Variants in RUFY2 observed in about 807,000 individuals in gnomAD.
RUFY2 encodes RUN and FYVE domain-containing protein 2.
A neutral mutation model predicts 94.4 loss-of-function variants in RUFY2; 49 were observed. The ratio of observed to expected loss-of-function variants is 0.52; its 90% CI spans 0.41 to 0.66. The LOEUF is 0.66. Ranked by LOEUF, RUFY2 falls within the 30% of genes least tolerant of loss-of-function variation. RUFY2 has a pLI of 0.00. For missense variants in RUFY2, 541 were observed against 692.8 expected (o/e 0.78, Z 2.46); for synonymous variants, 255 against 235.7 (o/e 1.08, Z -0.75).
intron 15 of RUFY2, among the ~76,000 whole-genome samples, chr10:68,362,339 T>C (rs1032102934): frequency 1.3e-5 from 2 of 151,220 alleles, no homozygotes; most frequent in Non-Finnish European, 3.0e-5. Flanking sequence ...TCAAAACAAA[T>C]AAAAATAAAC....
At chr10:68,358,293 G>T (rs1264100383) in intron 15 of RUFY2, among the ~76,000 whole-genome samples, 1 of 152,162 alleles carries the variant, frequency 6.6e-6, no homozygotes, top group Non-Finnish European at 1.5e-5. Flanking sequence ...TGATATATCA[G>T]ATACTAAAGC....
At chr10:68,383,938 A>T (rs749297193) in intron 9 of RUFY2, 24 bp from the exon 10 acceptor site, 1 of 1,593,152 alleles carries the variant, frequency 6.3e-7, no homozygotes, top group Non-Finnish European at 8.6e-7. Flanking sequence ...AAAATTTTTC[A>T]TTCTATAATC....
chr10:68,380,781 G>C lies in RUFY2; in HGVS notation c.1107+451C>G, dbSNP rs954216754. ...GGAGGCTGAGGCAGGAGAATCGCTT[G>C]ACCCTGGGAGGCAGAGGTTGCAGTG... On this transcript the variant is annotated intron_variant, in intron 11 of 17. Transcript: ENST00000602465. Among the ~76,000 whole-genome samples, 12 of 152,178 alleles carry C rather than the reference G, an allele frequency of 7.9e-5. No individual in the cohort carries two copies. The East Asian group carries it at 2.3e-3, about 29-fold the overall frequency.
chr10:68,371,131 C>CAAAAA (rs58880698), intron 13 of RUFY2, among the ~76,000 whole-genome samples: 1 of 59,174 alleles, frequency 1.7e-5, no homozygotes, highest in Non-Finnish European at 3.3e-5. Context: ...GGCTCTGTCT[C>CAAAAA]AAAAAAAAAA....
At chr10:68,385,330 A>G (rs1473538527) in intron 8 of RUFY2, among the ~76,000 whole-genome samples, 1 of 152,140 alleles carries the variant, frequency 6.6e-6, no homozygotes, top group Non-Finnish European at 1.5e-5. Context: ...CACAATACAA[A>G]TAACAGAAGC....
chr10:68,391,004 G>A (rs1315390938), intron 7 of RUFY2, among the ~76,000 whole-genome samples: 4 of 148,002 alleles, frequency 2.7e-5, no homozygotes, highest in Admixed American at 1.4e-4. Context: ...GCGTGATCTC[G>A]GCTCACTGCA....
downstream of RUFY2, chr10:68,341,507 C>CT (rs1372280218): frequency 2.7e-6 from 3 of 1,115,456 alleles, no homozygotes; most frequent in East Asian, 2.4e-5. Context: ...CTTAATTGAT[C>CT]TTTTTTACAA....
intron 7 of RUFY2, among the ~76,000 whole-genome samples, 161 bp from the exon 8 acceptor site, chr10:68,386,289 A>C (rs1181855786): frequency 6.6e-6 from 1 of 152,224 alleles, no homozygotes; most frequent in Non-Finnish European, 1.5e-5. Flanking sequence ...AACTTGATTT[A>C]GCTAGGAGGG....
chr10:68,360,245 C>G lies in RUFY2; in HGVS notation c.1550+3345G>C, dbSNP rs186177385. ...TTGAGCCCAGGAGTTTGAGACCAGC[C>G]TGGGCAACATAGTGAGACCCCGCCT... is the stretch of plus-strand genomic sequence containing the variant. On this transcript the variant is annotated intron_variant, in intron 15 of 17. Coordinates refer to ENST00000602465, the MANE Select transcript of RUFY2 (RefSeq NM_001330103.2). 6.0e-3 allele frequency among the ~76,000 whole-genome samples: 903 copies of G among 151,690 alleles called. 17 individuals carry two copies. Among genetic ancestry groups the G allele is most frequent in the African/African-American group, 0.021 (866 of 41,378 alleles).
chr10:68,389,349 T>C (rs909493333), intron 7 of RUFY2, among the ~76,000 whole-genome samples: 6 of 152,098 alleles, frequency 3.9e-5, no homozygotes, highest in African/African-American at 1.4e-4. Flanking sequence ...TCCCAGCACT[T>C]TGGGAGGCCG....
At chr10:68,385,966 G>C (rs763628921) in intron 8 of RUFY2, 93 bp downstream of exon 8, 39 of 638,758 alleles carry the variant, frequency 6.1e-5, no homozygotes, top group Non-Finnish European at 9.4e-5. Context: ...GTGTGTGTTC[G>C]TGTGTGTGTG....
At position 68,343,759 on chromosome 10, in the gene RUFY2, T is replaced by TTAAA. The variant is rs2046110642; in HGVS notation, c.*2005_*2008dup. On this transcript the variant is annotated 3_prime_UTR_variant, in exon 18 of 18. Transcript: ENST00000602465. ...GAAAAATCCAAAGTTAGTATAGTTT[T>TTAAA]TAAATAAGCCAAAACTACATGGAGC... 6.6e-6 allele frequency: 1 copy of TTAAA among 150,718 alleles called. No homozygotes were observed. Among genetic ancestry groups the TTAAA allele is most frequent in the Non-Finnish European group, 1.5e-5 (1 of 67,820 alleles). The allele number at this position is 150,718 out of a possible 1,614,324, so 9.3% of individuals were successfully genotyped here. A position where few individuals can be genotyped will look rare whatever the true frequency, so the allele number is the denominator to read the frequency against.
In RUFY2 at chr10:68,360,470, G is replaced by A. The variant is rs139966022; in HGVS notation, c.1550+3120C>T. Among the ~76,000 whole-genome samples the A allele has an allele frequency of 1.2e-3, 185 of 152,068 alleles. 3 individuals are homozygous for A. The East Asian group carries it at 0.033, about 27-fold the overall frequency. On this transcript the variant is annotated intron_variant, in intron 15 of 17. Coordinates refer to ENST00000602465, the MANE Select transcript of RUFY2 (RefSeq NM_001330103.2). ...AAAAAAATAATCTTTCAGGCCAGGT[G>A]CGGTGGCTCACGCCTGTAATCCCAG...
chr10:68,361,134 TGTG>T (rs2047436592), intron 15 of RUFY2, among the ~76,000 whole-genome samples: 1 of 150,950 alleles, frequency 6.6e-6, no homozygotes, highest in Non-Finnish European at 1.5e-5. Context: ...ATTAGCCAGG[TGTG>T]GTGGTGGGCG....
intron 4 of RUFY2, among the ~76,000 whole-genome samples, chr10:68,396,449 T>G (rs561855551): frequency 6.6e-6 from 1 of 151,980 alleles, no homozygotes; most frequent in South Asian, 2.1e-4. Context: ...TTAACCATAT[T>G]CAGAAAAATA....
At position 68,406,780 on chromosome 10, in the gene RUFY2, C is replaced by A. The variant is rs762065487; in HGVS notation, c.4+406G>T. The A allele has an allele frequency of 6.8e-6, 11 of 1,612,078 alleles. No individual in the cohort carries two copies. The highest frequency in any genetic ancestry group is 4.2e-6 in the Non-Finnish European group (5 of 1,179,524). Reference sequence around the variant, plus strand: ...CAGGCTCCTGCGCGTCAGCATTCCCCGTCTCCCGCCCTCGGCGTCAGGCAC... The same window carrying A: ...CAGGCTCCTGCGCGTCAGCATTCCCAGTCTCCCGCCCTCGGCGTCAGGCAC... On this transcript the variant is annotated intron_variant, in intron 1 of 17. Transcript: ENST00000602465.
chr10:68,342,172 A>C (rs958784487), downstream of RUFY2: 32 of 667,196 alleles, frequency 4.8e-5, no homozygotes, highest in South Asian at 8.0e-5. Flanking sequence ...ATGTGTTTTC[A>C]AAATATTATT....
chr10:68,365,415 G>A (rs1447249300), intron 13 of RUFY2, among the ~76,000 whole-genome samples: 2 of 152,262 alleles, frequency 1.3e-5, no homozygotes, highest in African/African-American at 2.4e-5. Flanking sequence ...AGATGTGCAC[G>A]TTAGATGAAC....
chr10:68,353,982 T>C (rs548430774), intron 16 of RUFY2, among the ~76,000 whole-genome samples: 1 of 151,736 alleles, frequency 6.6e-6, no homozygotes, highest in Non-Finnish European at 1.5e-5. Flanking sequence ...CAAGAGCAAA[T>C]AGTACATACT....
Sources: allele counts gnomAD v4.1 joint callset (sites outside exome capture counted in the v4.1 genomes callset), GRCh38; gene constraint gnomAD v4.1.1; transcripts MANE v1.5; gene names NCBI Gene and HGNC (gene_info 2026-07-23, HGNC 2026-07-21).